Variants in BICC1 observed in about 807,000 individuals in gnomAD.
BICC1 encodes the protein protein bicaudal C homolog 1.
A neutral mutation model predicts 111.0 loss-of-function variants in BICC1; 43 were observed. The ratio of observed to expected loss-of-function variants is 0.39; its 90% CI spans 0.30 to 0.50. BICC1 has a LOEUF of 0.50. Among genes scored for constraint, BICC1 ranks in the 20% least tolerant of loss-of-function variants. The pLI is 0.88. For synonymous variants in BICC1, 467 were observed against 434.4 expected (o/e 1.07, Z -0.93); for missense variants, 1,091 against 1,203.2 (o/e 0.91, Z 1.38).
At chr10:58,680,175 G>C (rs1483434839) in intron 2 of BICC1, among the ~76,000 whole-genome samples, 1 of 152,174 alleles carries the variant, frequency 6.6e-6, no homozygotes, top group Non-Finnish European at 1.5e-5. Flanking sequence ...GTTCTGGCCA[G>C]GGCAATCAGG....
At chr10:58,734,853 G>A (rs1271989101) in intron 3 of BICC1, among the ~76,000 whole-genome samples, 1 of 152,046 alleles carries the variant, frequency 6.6e-6, no homozygotes, top group Non-Finnish European at 1.5e-5. Context: ...GGTACTCTAT[G>A]GTATATAGTG....
chr10:58,517,533 T>C (rs988887268), intron 1 of BICC1, among the ~76,000 whole-genome samples: 8 of 152,306 alleles, frequency 5.3e-5, no homozygotes, highest in African/African-American at 1.9e-4. Flanking sequence ...GGGGGAGTAC[T>C]GAAAGTGAAG....
chr10:58,712,831 A>T (rs1840618922), intron 3 of BICC1, among the ~76,000 whole-genome samples: 1 of 152,142 alleles, frequency 6.6e-6, no homozygotes, highest in African/African-American at 2.4e-5. Flanking sequence ...AGTTGATGTG[A>T]TGTTGACAGT....
chr10:58,710,299 C>G (rs1840532991), intron 3 of BICC1, among the ~76,000 whole-genome samples: 1 of 152,158 alleles, frequency 6.6e-6, no homozygotes, highest in Non-Finnish European at 1.5e-5. Context: ...AATGCCCTTT[C>G]ACACCCATAC....
At chr10:58,803,792 A>G (rs1843628278) in intron 15 of BICC1, among the ~76,000 whole-genome samples, 2 of 152,248 alleles carry the variant, frequency 1.3e-5, no homozygotes, top group Non-Finnish European at 2.9e-5. Context: ...AACTTCCTCA[A>G]TAGGAACTTT....
intron 2 of BICC1, among the ~76,000 whole-genome samples, chr10:58,664,366 T>C (rs1018152423): frequency 6.6e-6 from 1 of 152,350 alleles, no homozygotes; most frequent in Non-Finnish European, 1.5e-5. Flanking sequence ...GTGAAGTATA[T>C]GTTTGAGATT....
intron 2 of BICC1, among the ~76,000 whole-genome samples, chr10:58,664,262 G>A (rs1838938822): frequency 6.6e-6 from 1 of 152,102 alleles, no homozygotes; most frequent in East Asian, 1.9e-4. Context: ...TCATTCTGGT[G>A]GATACTTAGT....
At chr10:58,708,023 TAGTAGAGACAGG>T (rs1840448113) in intron 3 of BICC1, among the ~76,000 whole-genome samples, 2 of 137,554 alleles carry the variant, frequency 1.5e-5, no homozygotes, top group Admixed American at 7.3e-5. Flanking sequence ...TTTGTATTTT[TAGTAGAGACAGG>T]GTTTTACCAT....
Position 58,620,901 on chromosome 10 carries a change from G to C in BICC1, c.237G>C (p.Lys79Asn). ...GAAGTGGGGAAGACTTTTTTCAAAA[G>C]GTAAGTTGTCTTTTACTCTTGTCAT... is the stretch of plus-strand genomic sequence containing the variant. The part of the protein sequence containing the change: ...KGRSGEDFFQ[K>N]IMEETNTQIA... The change falls in exon 2 of 21, where the codon AAG becomes AAC. Residue 79 changes from lysine (K) to asparagine (N), a missense_variant and splice_region_variant. Transcript: ENST00000373886. The C allele has an allele frequency of 6.2e-7, 1 of 1,613,094 alleles. No individual in the cohort carries two copies. The highest frequency in any genetic ancestry group is 1.1e-5 in the South Asian group (1 of 90,956).
At position 58,717,422 on chromosome 10, in the gene BICC1, C is replaced by G. The variant is rs528159291; in HGVS notation, c.307+15279C>G. Among the ~76,000 whole-genome samples the G allele has an allele frequency of 2.9e-3, 435 of 151,506 alleles. 2 individuals carry two copies. Among genetic ancestry groups the G allele is most frequent in the Non-Finnish European group, 4.3e-3 (291 of 67,944 alleles). ...TACAATAACAAGTTGAGTGGCAAGC[C>G]TGGTATGCTGTGTCTTATTGCCAGA... On this transcript the variant is annotated intron_variant, in intron 3 of 20. Transcript: ENST00000373886.
chr10:58,799,761 T>C (rs1342549815), intron 12 of BICC1, among the ~76,000 whole-genome samples: 1 of 152,162 alleles, frequency 6.6e-6, no homozygotes, highest in African/African-American at 2.4e-5. Context: ...AGCCTCGTAG[T>C]ATAGTTTGAA....
intron 3 of BICC1, among the ~76,000 whole-genome samples, chr10:58,736,912 A>C (rs1841484740): frequency 6.6e-6 from 1 of 152,126 alleles, no homozygotes; most frequent in Admixed American, 6.6e-5. Flanking sequence ...ACAAATAAAG[A>C]AAATAGAACT....
chr10:58,711,797 T>G lies in BICC1; in HGVS notation c.307+9654T>G, dbSNP rs1020057935. Among the ~76,000 whole-genome samples the G allele has an allele frequency of 1.4e-3, 111 of 76,608 alleles. 1 individual carries two copies. The highest frequency in any genetic ancestry group is 3.4e-3 in the African/African-American group (80 of 23,242). The allele number at this position is 76,608 out of a possible 152,430, so 50.3% of individuals were successfully genotyped here. On this transcript the variant is annotated intron_variant, in intron 3 of 20. Coordinates refer to ENST00000373886, the MANE Select transcript of BICC1 (RefSeq NM_001080512.3). ...CTAAATAAGCAAATATATCTGGTAGTTTTTTTTTTTGTTTTTTTTTTTTAA... is the reference window on the plus strand; with the variant it reads ...CTAAATAAGCAAATATATCTGGTAGGTTTTTTTTTTGTTTTTTTTTTTTAA...
At chr10:58,657,519 T>C (rs751817167) in intron 2 of BICC1, among the ~76,000 whole-genome samples, 9 of 151,968 alleles carry the variant, frequency 5.9e-5, no homozygotes, top group Non-Finnish European at 1.3e-4. Flanking sequence ...GTAGTAGGAG[T>C]GGTCTGGAGC....
chr10:58,647,613 CTG>C (rs1250678644), intron 2 of BICC1, among the ~76,000 whole-genome samples: 17 of 152,072 alleles, frequency 1.1e-4, no homozygotes. Context: ...TCACGATAAC[CTG>C]TGTCTTTTCA....
chr10:58,547,560 T>C (rs1046422693), intron 1 of BICC1, among the ~76,000 whole-genome samples: 2 of 152,182 alleles, frequency 1.3e-5, no homozygotes, highest in African/African-American at 4.8e-5. Flanking sequence ...GTGCAGCCCA[T>C]GTGTGAGTAG....
At chr10:58,707,914 C>T (rs1449802787) in intron 3 of BICC1, among the ~76,000 whole-genome samples, 1 of 152,170 alleles carries the variant, frequency 6.6e-6, no homozygotes, top group African/African-American at 2.4e-5. Context: ...TCAGGCTGGT[C>T]TCGAGCTCCC....
chr10:58,765,145 C>T lies in BICC1; in HGVS notation c.308-19856C>T, dbSNP rs143069522. Reference sequence around the variant, plus strand: ...TTGCCCAGGCTGGAGTGCAGTGGTGCGATCTCTGCTCACTGCAACCTCCGC... The same window carrying T: ...TTGCCCAGGCTGGAGTGCAGTGGTGTGATCTCTGCTCACTGCAACCTCCGC... On this transcript the variant is annotated intron_variant, in intron 3 of 20. Coordinates refer to ENST00000373886, the MANE Select transcript of BICC1 (RefSeq NM_001080512.3). 8.2e-4 allele frequency among the ~76,000 whole-genome samples: 125 copies of T among 152,110 alleles called. 1 individual carries two copies. Among genetic ancestry groups the T allele is most frequent in the African/African-American group, 2.9e-3 (119 of 41,484 alleles).
At chr10:58,531,206 T>C (rs1427223) in intron 1 of BICC1, among the ~76,000 whole-genome samples, 69,401 of 151,296 alleles carry the variant, frequency 0.46, 16,928 homozygotes, top group Admixed American at 0.62. Context: ...ATAGGCATAC[T>C]TTGATTGCCT....
Sources: allele counts gnomAD v4.1 joint callset (sites outside exome capture counted in the v4.1 genomes callset), GRCh38; gene constraint gnomAD v4.1.1; transcripts MANE v1.5; gene names NCBI Gene and HGNC (gene_info 2026-07-23, HGNC 2026-07-21).